Variants in DCP1A observed in about 807,000 individuals in gnomAD.
DCP1A encodes mRNA-decapping enzyme 1A.
A neutral mutation model predicts 58.0 loss-of-function variants in DCP1A; 20 were observed. That is an observed-to-expected ratio of 0.34 (90% CI 0.24 to 0.50). The LOEUF is 0.50. DCP1A is among the 20% of genes least tolerant of loss of function. DCP1A has a pLI of 0.98. For synonymous variants in DCP1A, 285 were observed against 275.1 expected (o/e 1.04, Z -0.36); for missense variants, 613 against 712.2 (o/e 0.86, Z 1.59).
At chr3:53,316,665 A>AAC (rs1224292793) in intron 4 of DCP1A, among the ~76,000 whole-genome samples, 4 of 147,470 alleles carry the variant, frequency 2.7e-5, no homozygotes, top group African/African-American at 1.0e-4. Flanking sequence ...GATGGTCTTG[A>AAC]ACTCCTGGCC....
chr3:53,346,173 T>C (rs562151753), intron 1 of DCP1A, among the ~76,000 whole-genome samples: 4 of 152,272 alleles, frequency 2.6e-5, no homozygotes, highest in African/African-American at 9.6e-5. Flanking sequence ...AAAAGATTCA[T>C]AAAATTTCAA....
chr3:53,292,031 G>A (rs1706894466), intron 7 of DCP1A, 38 bp downstream of exon 7: 2 of 1,568,116 alleles, frequency 1.3e-6, no homozygotes, highest in South Asian at 1.2e-5. Context: ...TCCAGTTACA[G>A]TTACCCACTC....
intron 3 of DCP1A, among the ~76,000 whole-genome samples, chr3:53,341,666 A>G (rs1292249044): frequency 6.6e-6 from 1 of 152,112 alleles, no homozygotes; most frequent in Non-Finnish European, 1.5e-5. Flanking sequence ...AGTAAACTAA[A>G]TTATATACAA....
chr3:53,332,319 A>C (rs2106877893), intron 3 of DCP1A, among the ~76,000 whole-genome samples: 1 of 152,292 alleles, frequency 6.6e-6, no homozygotes, highest in South Asian at 2.1e-4. Flanking sequence ...GAGTCCATTC[A>C]AATCTATTTA....
chr3:53,335,244 G>A (rs2106884677), intron 3 of DCP1A, among the ~76,000 whole-genome samples: 1 of 152,072 alleles, frequency 6.6e-6, no homozygotes, highest in Middle Eastern at 3.4e-3. Flanking sequence ...GGGTTCAAGC[G>A]ATTTTCCTGC....
chr3:53,339,607 G>A (rs1001580388), intron 3 of DCP1A, among the ~76,000 whole-genome samples: 1 of 151,982 alleles, frequency 6.6e-6, no homozygotes, highest in East Asian at 1.9e-4. Context: ...TTCCACACAC[G>A]AACTATAAAA....
intron 6 of DCP1A, among the ~76,000 whole-genome samples, chr3:53,294,354 A>T (rs534871792): frequency 1.3e-5 from 2 of 152,242 alleles, no homozygotes; most frequent in South Asian, 4.2e-4. Context: ...GTCAGGTAGG[A>T]GCAGGGAGCC....
At chr3:53,312,781 G>A (rs1180136730) in intron 4 of DCP1A, among the ~76,000 whole-genome samples, 2 of 152,076 alleles carry the variant, frequency 1.3e-5, no homozygotes, top group Non-Finnish European at 2.9e-5. Flanking sequence ...CTGAGCCACC[G>A]CGCCCAGCCG....
chr3:53,290,842 G>A lies in DCP1A; in HGVS notation c.1398C>T (p.Asn466=). 1 of 1,610,608 alleles carries A rather than the reference G, an allele frequency of 6.2e-7. No homozygotes were observed. The highest frequency in any genetic ancestry group is 1.1e-5 in the South Asian group (1 of 90,750). ...VLAPLQSMQQ[N]QDPEVFVQPK... is the part of the protein sequence containing the mutation. ...GCTGCACAAATACTTCAGGATCCTG[G>A]TTCTGCTGCATAGACTGAAATGTTT... The change falls in exon 8 of 10, where the codon AAC becomes AAT. Residue 466 remains asparagine, a synonymous_variant. Coordinates refer to ENST00000610213, the MANE Select transcript of DCP1A (RefSeq NM_018403.7).
chr3:53,290,498 G>T (rs568192275), intron 8 of DCP1A: 3 of 558,920 alleles, frequency 5.4e-6, no homozygotes, highest in Admixed American at 6.4e-5. Context: ...CTGCCAGGAC[G>T]GGGTGGGAGA....
At chr3:53,313,051 A>C (rs2106836975) in intron 4 of DCP1A, among the ~76,000 whole-genome samples, 1 of 152,326 alleles carries the variant, frequency 6.6e-6, no homozygotes, top group South Asian at 2.1e-4. Flanking sequence ...ACCAAGACAC[A>C]GGAAGGCTGC....
At chr3:53,291,222 T>G (rs1198112146) in intron 7 of DCP1A, among the ~76,000 whole-genome samples, 1 of 152,204 alleles carries the variant, frequency 6.6e-6, no homozygotes, top group Non-Finnish European at 1.5e-5. Flanking sequence ...TATAGGTGTA[T>G]GTATTTATGA....
At chr3:53,310,263 TTTTG>T (rs1553688517) in intron 5 of DCP1A, among the ~76,000 whole-genome samples, 1 of 152,260 alleles carries the variant, frequency 6.6e-6, no homozygotes, top group African/African-American at 2.4e-5. Context: ...TCTATATTCC[TTTTG>T]TAATATTGAT....
intron 6 of DCP1A, among the ~76,000 whole-genome samples, chr3:53,297,036 A>G (rs1575596712): frequency 6.6e-6 from 1 of 152,224 alleles, no homozygotes; most frequent in African/African-American, 2.4e-5. Context: ...ATACAGCAGT[A>G]TATGAGGTAA....
intron 3 of DCP1A, among the ~76,000 whole-genome samples, chr3:53,340,665 AG>A (rs2089189340): frequency 6.6e-6 from 1 of 151,948 alleles, no homozygotes; most frequent in South Asian, 2.1e-4. Context: ...GATGCCAATT[AG>A]AGCACAATCA....
At chr3:53,344,738 G>A (rs868952046) in intron 2 of DCP1A, among the ~76,000 whole-genome samples, 164 bp downstream of exon 2, 1 of 152,156 alleles carries the variant, frequency 6.6e-6, no homozygotes, top group Non-Finnish European at 1.5e-5. Flanking sequence ...GAAAGGCTCA[G>A]AGAAAAGAAA....
At chr3:53,342,008 C>G in intron 3 of DCP1A, 136 bp downstream of exon 3, 1 of 774,866 alleles carries the variant, frequency 1.3e-6, no homozygotes, top group Non-Finnish European at 2.0e-6. Flanking sequence ...TTGATCTTTC[C>G]AACAGACTCA....
chr3:53,341,410 C>T (rs2089200468), intron 3 of DCP1A, among the ~76,000 whole-genome samples: 1 of 152,104 alleles, frequency 6.6e-6, no homozygotes, highest in Admixed American at 6.5e-5. Flanking sequence ...GCCTAGATCA[C>T]ACCACTGCAC....
Position 53,342,205 on chromosome 3 carries a change from T to C in DCP1A, c.243A>G (p.Pro81=). ...GCTGAAATTCCAAATCTTTATTCAC[T>C]GGTTCAACTAGATTGTGCATATTTA... ...NRLNMHNLVE[P]VNKDLEFQLH... Residue 81 remains proline (P), a synonymous_variant, in exon 3 of 10, where the codon CCA becomes CCG. Coordinates refer to ENST00000610213, the MANE Select transcript of DCP1A (RefSeq NM_018403.7). 2 of 1,604,202 alleles carry C rather than the reference T, an allele frequency of 1.2e-6. No homozygotes were observed. Among genetic ancestry groups the C allele is most frequent in the Non-Finnish European group, 1.7e-6 (2 of 1,173,796 alleles).
Sources: allele counts gnomAD v4.1 joint callset (sites outside exome capture counted in the v4.1 genomes callset), GRCh38; gene constraint gnomAD v4.1.1; transcripts MANE v1.5; gene names NCBI Gene and HGNC (gene_info 2026-07-23, HGNC 2026-07-21).